Variants in CORIN observed in about 807,000 individuals in gnomAD.
CORIN encodes corin, serine peptidase.
Under a neutral mutation model 125.3 loss-of-function variants are expected in CORIN, and 117 were observed. That is an observed-to-expected ratio of 0.93 (90% confidence interval 0.80 to 1.09). The LOEUF (loss-of-function observed/expected upper bound fraction) is 1.09. CORIN is among the 50% of genes least tolerant of loss of function. The probability of loss-of-function intolerance (pLI) is 0.00; values close to 1 mark genes in which losing one functional copy is unlikely to be tolerated. For missense variants in CORIN, 1,253 were observed against 1,306.7 expected, an observed-to-expected ratio of 0.96 and a Z score of 0.63; for synonymous variants, 450 against 466.4, an observed-to-expected ratio of 0.96 and a Z score of 0.45.
At chr4:47,805,991 C>T (rs1731775779) in intron 2 of CORIN, among the ~76,000 whole-genome samples, 1 of 152,150 alleles carries the variant, frequency 6.6e-6, no homozygotes, top group Non-Finnish European at 1.5e-5. Context: ...CCAAAAAGTT[C>T]ACTTTTCAAA....
intron 2 of CORIN, among the ~76,000 whole-genome samples, chr4:47,793,582 A>G (rs115777676): frequency 0.011 from 1,749 of 152,294 alleles, 39 homozygotes; most frequent in African/African-American, 0.039. Context: ...ACATCTGGGG[A>G]GAAGAAAGCA....
At chr4:47,692,669 T>C (rs1725822118) in intron 6 of CORIN, among the ~76,000 whole-genome samples, 1 of 152,042 alleles carries the variant, frequency 6.6e-6, no homozygotes, top group African/African-American at 2.4e-5. Flanking sequence ...TTTATACTCA[T>C]AAACAAAAAT....
At chr4:47,606,677 T>C (rs1283193774) in intron 19 of CORIN, among the ~76,000 whole-genome samples, 1 of 124,008 alleles carries the variant, frequency 8.1e-6, no homozygotes, top group Admixed American at 8.9e-5. Flanking sequence ...CCTTTCTTTT[T>C]CTTTCCTTTT....
chr4:47,739,552 T>G (rs1037890507), intron 5 of CORIN, among the ~76,000 whole-genome samples: 1 of 151,994 alleles, frequency 6.6e-6, no homozygotes, highest in African/African-American at 2.4e-5. Context: ...CTAAAGGAAG[T>G]CCTTTGGGAT....
Position 47,693,020 on chromosome 4 carries a change from T to G in CORIN, c.863A>C (p.Gln288Pro). ...GTCACAGTCGTTGTAGCCATTACAT[T>G]GCAGTTTCCCGGGGATGCAGATTCC... ...ASGICIPGKL[Q>P]CNGYNDCDDW... The change falls in exon 6 of 22, where the codon CAA (glutamine) becomes CCA (proline). Residue 288 changes from glutamine to proline, a missense_variant. By Grantham distance (76) the Gln-to-Pro change is moderately conservative. Coordinates refer to ENST00000273857, the MANE Select transcript of CORIN (RefSeq NM_006587.4). 6.2e-7 allele frequency: 1 copy of G among 1,613,994 alleles called. No individual in the cohort carries two copies. The highest frequency in any genetic ancestry group is 8.5e-7 in the Non-Finnish European group (1 of 1,179,894).
At chr4:47,660,400 G>A (rs1408864472) in intron 12 of CORIN, among the ~76,000 whole-genome samples, 1 of 152,112 alleles carries the variant, frequency 6.6e-6, no homozygotes, top group Non-Finnish European at 1.5e-5. Flanking sequence ...CTCACAGAAT[G>A]GGAGAAAATA....
intron 19 of CORIN, among the ~76,000 whole-genome samples, chr4:47,615,278 T>A (rs1722030579): frequency 6.6e-6 from 1 of 152,116 alleles, no homozygotes; most frequent in Non-Finnish European, 1.5e-5. Context: ...GGGAAGCCAA[T>A]GTAGGGTTTT....
intron 5 of CORIN, among the ~76,000 whole-genome samples, chr4:47,733,670 G>T (rs1727990571): frequency 6.6e-6 from 1 of 152,166 alleles, no homozygotes; most frequent in African/African-American, 2.4e-5. Flanking sequence ...TGATTGATAG[G>T]TCCTGAACTT....
chr4:47,649,867 A>T (rs1388744934), intron 13 of CORIN, among the ~76,000 whole-genome samples: 2 of 152,228 alleles, frequency 1.3e-5, no homozygotes, highest in Non-Finnish European at 2.9e-5. Context: ...AAAGCTATGG[A>T]CATAATGACT....
At chr4:47,688,030 C>T (rs1322647493) in intron 6 of CORIN, among the ~76,000 whole-genome samples, 1 of 152,130 alleles carries the variant, frequency 6.6e-6, no homozygotes, top group African/African-American at 2.4e-5. Context: ...AGTAGCACCT[C>T]CCTCCACTCT....
At chr4:47,741,178 T>C (rs1188637233) in intron 5 of CORIN, among the ~76,000 whole-genome samples, 1 of 152,008 alleles carries the variant, frequency 6.6e-6, no homozygotes, top group Non-Finnish European at 1.5e-5. Flanking sequence ...TTGAAGATTA[T>C]ATAGCTTAAA....
chr4:47,728,040 C>T (rs1358193674), intron 5 of CORIN, among the ~76,000 whole-genome samples: 3 of 152,108 alleles, frequency 2.0e-5, no homozygotes, highest in Non-Finnish European at 4.4e-5. Context: ...ACAAAATAAA[C>T]ATATGGATAG....
intron 5 of CORIN, among the ~76,000 whole-genome samples, chr4:47,707,810 C>T (rs960138661): frequency 7.2e-5 from 11 of 152,032 alleles, no homozygotes; most frequent in Non-Finnish European, 1.5e-4. Context: ...TTAGCAGGGG[C>T]TAAAGAAGAG....
intron 19 of CORIN, among the ~76,000 whole-genome samples, chr4:47,613,326 G>C (rs1721941052): frequency 6.6e-6 from 1 of 152,134 alleles, no homozygotes; most frequent in African/African-American, 2.4e-5. Context: ...GGTGGCACGT[G>C]CCTGTAGTCC....
chr4:47,693,072 T>G lies in CORIN; in HGVS notation c.811A>C (p.Arg271=). The change falls in exon 6 of 22, where the codon AGG becomes CGG. Residue 271 remains arginine, a synonymous_variant. Coordinates refer to ENST00000273857, the MANE Select transcript of CORIN (RefSeq NM_006587.4). Reference sequence around the variant, plus strand: ...CTGGCACACAGAAAGTTCTCACCCCTTCCACAGAGCACTAAAAAAAAAGGG... The same window carrying G: ...CTGGCACACAGAAAGTTCTCACCCCGTCCACAGAGCACTAAAAAAAAAGGG... ...QENGKQLLCG[R]GENFLCASGI... The G allele has an allele frequency of 1.2e-6, 2 of 1,611,090 alleles. No individual in the cohort carries two copies. Among genetic ancestry groups the G allele is most frequent in the South Asian group, 2.2e-5 (2 of 90,996 alleles).
Position 47,603,520 on chromosome 4 carries a change from C to T in CORIN, c.2689G>A (p.Glu897Lys). 1.2e-6 allele frequency: 2 copies of T among 1,614,176 alleles called. No homozygotes were observed. Among genetic ancestry groups the T allele is most frequent in the Non-Finnish European group, 8.5e-7 (1 of 1,180,036 alleles). ...GTCTCACTGATGTCTTCACTCAGCT[C>T]AACGATGCTGATGTCATAGTCCACC... ...AVVDYDISIV[E>K]LSEDISETGY... Residue 897 changes from glutamate to lysine, a missense_variant, in exon 20 of 22, where the codon GAG becomes AAG. By Grantham distance (56) the Glu-to-Lys change is moderately conservative (BLOSUM62 1). Transcript: ENST00000273857.
At chr4:47,742,778 G>A (rs1027561814) in intron 5 of CORIN, among the ~76,000 whole-genome samples, 4 of 151,872 alleles carry the variant, frequency 2.6e-5, no homozygotes, top group African/African-American at 9.7e-5. Flanking sequence ...TACATTAAAC[G>A]CAAAGGGCCA....
chr4:47,623,870 TC>T, intron 18 of CORIN, 28 bp downstream of exon 18: 2 of 1,610,380 alleles, frequency 1.2e-6, no homozygotes, highest in Admixed American at 3.3e-5. Flanking sequence ...TAAGTTCATA[TC>T]CCATTGCCAC....
At chr4:47,667,055 A>C (rs1376186268) in intron 10 of CORIN, among the ~76,000 whole-genome samples, 2 of 152,210 alleles carry the variant, frequency 1.3e-5, no homozygotes, top group Non-Finnish European at 2.9e-5. Flanking sequence ...GAGATCACTG[A>C]TAATGGGGCA....
Sources: allele counts gnomAD v4.1 joint callset (sites outside exome capture counted in the v4.1 genomes callset), GRCh38; gene constraint gnomAD v4.1.1; transcripts MANE v1.5; gene names NCBI Gene and HGNC (gene_info 2026-07-23, HGNC 2026-07-21).